Variants in MRPL13 observed in about 807,000 individuals in gnomAD.
MRPL13 encodes large ribosomal subunit protein uL13m.
A neutral mutation model predicts 29.0 loss-of-function variants in MRPL13; 33 were observed. The ratio of observed to expected loss-of-function variants is 1.14; its 90% CI spans 0.86 to 1.52. MRPL13 has a LOEUF of 1.52. MRPL13 is among the 40% of genes most tolerant of loss of function. The pLI, the probability that MRPL13 is intolerant of heterozygous loss-of-function variation, is 0.00. For missense variants in MRPL13, 227 were observed against 216.7 expected, an observed-to-expected ratio of 1.05 and a Z score of -0.30; for synonymous variants, 77 against 68.4, an observed-to-expected ratio of 1.13 and a Z score of -0.62.
intron 3 of MRPL13, 47 bp downstream of exon 3, chr8:120,431,979 AAAGT>A (rs1813001137): frequency 1.6e-6 from 2 of 1,275,116 alleles, no homozygotes; most frequent in South Asian, 1.4e-5. Context: ...CTGTATTCTT[AAAGT>A]AATATATTTT....
intron 4 of MRPL13, among the ~76,000 whole-genome samples, chr8:120,423,955 T>G (rs2130471869): frequency 6.6e-6 from 1 of 152,172 alleles, no homozygotes; most frequent in East Asian, 1.9e-4. Flanking sequence ...TTCATTGATT[T>G]GGAAGTAAGG....
intron 5 of MRPL13, 76 bp from the exon 6 acceptor site, chr8:120,414,188 TG>T (rs1170615308): frequency 2.9e-4 from 46 of 156,938 alleles, no homozygotes; most frequent in Non-Finnish European, 5.1e-4. Flanking sequence ...ACTTCATAAG[TG>T]TTAAAAAAAT....
chr8:120,444,158 A>T (rs11985401), intron 1 of MRPL13, among the ~76,000 whole-genome samples: 87,044 of 151,804 alleles, frequency 0.57, 26,455 homozygotes, highest in Non-Finnish European at 0.67. Flanking sequence ...GAAAAAAAAA[A>T]TTTTTAATGA....
At position 120,413,226 on chromosome 8, in the gene MRPL13, G is replaced by A. The variant is rs149968085; in HGVS notation, c.515+765C>T. On this transcript the variant is annotated intron_variant, in intron 6 of 6. Transcript: ENST00000306185. ...TTAATTTATTCAATAAATACTGGCT[G>A]AGTGTCTATTTAATTTGTCCAGCAC... is the stretch of plus-strand genomic sequence containing the variant. 4.6e-4 allele frequency among the ~76,000 whole-genome samples: 70 copies of A among 152,324 alleles called. 1 individual carries two copies. The highest frequency in any genetic ancestry group is 1.6e-3 in the African/African-American group (66 of 41,580).
intron 6 of MRPL13, among the ~76,000 whole-genome samples, chr8:120,407,802 C>T (rs1396679738): frequency 6.6e-6 from 1 of 152,140 alleles, no homozygotes; most frequent in Non-Finnish European, 1.5e-5. Flanking sequence ...TGTAATAAAT[C>T]TCAAAAAAAT....
At chr8:120,430,287 T>C (rs1193623443) in intron 3 of MRPL13, among the ~76,000 whole-genome samples, 1 of 152,058 alleles carries the variant, frequency 6.6e-6, no homozygotes, top group Non-Finnish European at 1.5e-5. Flanking sequence ...ATGAAAATTT[T>C]ACATTTCCAC....
chr8:120,421,192 G>A (rs1392872139), intron 4 of MRPL13, among the ~76,000 whole-genome samples: 1 of 151,608 alleles, frequency 6.6e-6, no homozygotes, highest in African/African-American at 2.4e-5. Flanking sequence ...ATTATTTATA[G>A]GAAGGGGAAA....
chr8:120,416,040 A>T (rs1812798385), intron 5 of MRPL13: 1 of 152,230 alleles, frequency 6.6e-6, no homozygotes, highest in Non-Finnish European at 1.5e-5. Context: ...CTTTACTATT[A>T]GAGGATTTTG....
In MRPL13 at chr8:120,397,495, C is replaced by A. The variant is rs578094787; in HGVS notation, c.516-1370G>T. On this transcript the variant is annotated intron_variant, in intron 6 of 6. Coordinates refer to ENST00000306185, the MANE Select transcript of MRPL13 (RefSeq NM_014078.6). ...AAGTTCCTGGGGGGAGGGGCAGCTG[C>A]CATTTCTGTGGTTAGGTCGACTCAG... is the stretch of plus-strand genomic sequence containing the variant. 2.6e-5 allele frequency among the ~76,000 whole-genome samples: 4 copies of A among 152,206 alleles called. No homozygotes were observed. In the South Asian group the frequency reaches 8.3e-4, roughly 32 times the overall value.
chr8:120,411,596 C>T (rs1406004804), intron 6 of MRPL13, among the ~76,000 whole-genome samples: 1 of 152,148 alleles, frequency 6.6e-6, no homozygotes, highest in Admixed American at 6.5e-5. Flanking sequence ...ACTATCCATA[C>T]GTTTCAGTAA....
intron 3 of MRPL13, 42 bp from the exon 4 acceptor site, chr8:120,425,408 A>G (rs1432922385): frequency 7.4e-7 from 1 of 1,343,148 alleles, no homozygotes; most frequent in Non-Finnish European, 1.1e-6. Flanking sequence ...GCATAGGCTG[A>G]TACTGTATTC....
intron 4 of MRPL13, among the ~76,000 whole-genome samples, chr8:120,421,848 C>T (rs1310439927): frequency 1.3e-5 from 2 of 151,600 alleles, no homozygotes; most frequent in Non-Finnish European, 3.0e-5. Flanking sequence ...TAGAAACTTT[C>T]ATTTTAACAT....
At position 120,407,477 on chromosome 8, in the gene MRPL13, T is replaced by C. The variant is rs1435406905; in HGVS notation, c.515+6514A>G. On this transcript the variant is annotated intron_variant, in intron 6 of 6. Coordinates refer to ENST00000306185, the MANE Select transcript of MRPL13 (RefSeq NM_014078.6). Reference sequence around the variant, plus strand: ...CTGGCCAACATGGTGAAACCCAGTCTCTACAAAAAATACAAAAAATTAGCT... The same window carrying C: ...CTGGCCAACATGGTGAAACCCAGTCCCTACAAAAAATACAAAAAATTAGCT... Among the ~76,000 whole-genome samples the C allele has an allele frequency of 2.6e-5, 4 of 151,916 alleles. No homozygotes were observed. The East Asian group carries it at 7.7e-4, about 29-fold the overall frequency.
At chr8:120,426,394 A>C (rs943800343) in intron 3 of MRPL13, among the ~76,000 whole-genome samples, 2 of 152,132 alleles carry the variant, frequency 1.3e-5, no homozygotes, top group African/African-American at 2.4e-5. Flanking sequence ...TTTGCTGAGA[A>C]AGATGGGTAG....
intron 6 of MRPL13, among the ~76,000 whole-genome samples, chr8:120,412,764 C>T (rs1812754145): frequency 6.6e-6 from 1 of 152,142 alleles, no homozygotes; most frequent in South Asian, 2.1e-4. Context: ...AATGTCCCTG[C>T]CCCCTTGAAG....
At chr8:120,402,442 A>G (rs1563770231) in intron 6 of MRPL13, among the ~76,000 whole-genome samples, 1 of 152,218 alleles carries the variant, frequency 6.6e-6, no homozygotes, top group Non-Finnish European at 1.5e-5. Flanking sequence ...AAAACTGGCT[A>G]GCCATATGTG....
intron 3 of MRPL13, among the ~76,000 whole-genome samples, chr8:120,430,703 G>T (rs543157937): frequency 5.9e-5 from 9 of 152,274 alleles, no homozygotes; most frequent in Non-Finnish European, 8.8e-5. Flanking sequence ...CTATGAAGCA[G>T]CAGTGGGAAC....
At chr8:120,422,326 T>C (rs184485537) in intron 4 of MRPL13, among the ~76,000 whole-genome samples, 90 of 151,660 alleles carry the variant, frequency 5.9e-4, no homozygotes, top group African/African-American at 2.0e-3. Flanking sequence ...TAGTCTCTAA[T>C]AGGAAAAACA....
intron 6 of MRPL13, among the ~76,000 whole-genome samples, chr8:120,405,955 T>C (rs940165013): frequency 6.6e-6 from 1 of 152,224 alleles, no homozygotes; most frequent in African/African-American, 2.4e-5. Flanking sequence ...AAAAGAGGGA[T>C]GATAGGTGAA....
Sources: allele counts gnomAD v4.1 joint callset (sites outside exome capture counted in the v4.1 genomes callset), GRCh38; gene constraint gnomAD v4.1.1; transcripts MANE v1.5; gene names NCBI Gene and HGNC (gene_info 2026-07-23, HGNC 2026-07-21).